The following TSPAN11 variants were observed in gnomAD, a reference collection of about 807,000 sequenced individuals.
TSPAN11 encodes tetraspanin-11.
In TSPAN11, 29 loss-of-function variants were observed where a neutral mutation model predicts 32.9. That is an observed-to-expected ratio of 0.88 (90% confidence interval 0.66 to 1.20). The LOEUF (loss-of-function observed/expected upper bound fraction) is 1.20, where lower values mean the gene tolerates loss of function less well. Ranked by LOEUF, TSPAN11 falls within the 50% of genes most tolerant of loss-of-function variation. The pLI is 0.00. For missense variants in TSPAN11, 283 were observed against 329.1 expected (o/e 0.86, Z 1.08); for synonymous variants, 140 against 141.3 (o/e 0.99, Z 0.07).
intron 1 of TSPAN11, among the ~76,000 whole-genome samples, chr12:30,944,660 G>A (rs1474504384): frequency 6.6e-6 from 1 of 152,236 alleles, no homozygotes; most frequent in Admixed American, 6.5e-5. Context: ...TAAAGAGAAT[G>A]TGTATATATA....
At chr12:30,979,769 C>A in intron 5 of TSPAN11, 99 bp downstream of exon 5, 1 of 1,147,856 alleles carries the variant, frequency 8.7e-7, no homozygotes, top group South Asian at 1.4e-5. Flanking sequence ...GTTACTTACC[C>A]TCTCTGAGCT....
At chr12:30,959,974 A>ACAGGAGC (rs1938579016) in intron 2 of TSPAN11, among the ~76,000 whole-genome samples, 1 of 149,910 alleles carries the variant, frequency 6.7e-6, no homozygotes, top group Admixed American at 6.6e-5. Flanking sequence ...TGTGGGCGGA[A>ACAGGAGC]CAGGAGCCAG....
chr12:30,987,018 A>G (rs1337330319), intron 7 of TSPAN11, among the ~76,000 whole-genome samples: 1 of 152,242 alleles, frequency 6.6e-6, no homozygotes, highest in Non-Finnish European at 1.5e-5. Flanking sequence ...GCCAGCATTG[A>G]AAAAAGAGCT....
At chr12:30,959,728 C>T (rs1009060012) in intron 2 of TSPAN11, among the ~76,000 whole-genome samples, 5 of 146,886 alleles carry the variant, frequency 3.4e-5, no homozygotes, top group African/African-American at 1.3e-4. Flanking sequence ...TGCAGTGAGC[C>T]GAGATCACGC....
chr12:31,002,911 C>T, the TSPAN11 span, among the ~76,000 whole-genome samples: 1 of 152,254 alleles, frequency 6.6e-6, no homozygotes, highest in East Asian at 1.9e-4. The surrounding 1 kb of genome is among the most constrained non-coding windows in gnomAD (Gnocchi z 4.8). Context: ...GAGGGTGACA[C>T]CGCTCCAGCT....
chr12:30,977,969 G>C (rs73091933), intron 3 of TSPAN11, among the ~76,000 whole-genome samples: 1 of 152,104 alleles, frequency 6.6e-6, no homozygotes, highest in Non-Finnish European at 1.5e-5. Context: ...CACAGTCCAC[G>C]CTGGTCCCTG....
At chr12:30,983,194 AC>A (rs1939132066) in intron 7 of TSPAN11, 44 bp downstream of exon 7, 7 of 1,564,522 alleles carry the variant, frequency 4.5e-6, no homozygotes, top group Non-Finnish European at 5.2e-6. Context: ...AGGGCTCTGA[AC>A]CCCTCTCCCA....
At position 30,975,101 on chromosome 12, in the gene TSPAN11, C is replaced by T. The variant is rs1938938718; in HGVS notation, c.277-3460C>T. ...GTGAAGAGAACTGTGTGCAGCAACACCAGGAACACTTTTCAGCTTTGCACA... is the reference window on the plus strand; with the variant it reads ...GTGAAGAGAACTGTGTGCAGCAACATCAGGAACACTTTTCAGCTTTGCACA... On this transcript the variant is annotated intron_variant, in intron 3 of 7. Transcript: ENST00000546076. The surrounding 1 kb of genome is among the most constrained non-coding windows in gnomAD (Gnocchi z 4.5). Among the ~76,000 whole-genome samples, 1 of 152,204 alleles carries T rather than the reference C, an allele frequency of 6.6e-6. No homozygotes were observed. The highest frequency in any genetic ancestry group is 2.4e-5 in the African/African-American group (1 of 41,458).
intron 1 of TSPAN11, among the ~76,000 whole-genome samples, chr12:30,953,601 A>T (rs1857693130): frequency 6.6e-6 from 1 of 152,212 alleles, no homozygotes; most frequent in Non-Finnish European, 1.5e-5. Context: ...CAAGTTTCCT[A>T]TGCAAAGTAG....
intron 1 of TSPAN11, among the ~76,000 whole-genome samples, chr12:30,942,123 A>G (rs1383872756): frequency 1.3e-5 from 2 of 152,182 alleles, no homozygotes; most frequent in Non-Finnish European, 2.9e-5. Context: ...GCTCTGGATG[A>G]TGTATTTTTA....
chr12:30,942,703 C>A (rs1382813336), intron 1 of TSPAN11, among the ~76,000 whole-genome samples: 1 of 144,336 alleles, frequency 6.9e-6, no homozygotes, highest in Non-Finnish European at 1.5e-5. Context: ...ACATGGAATG[C>A]AATTTGTTAC....
rs148719778 is a variant in TSPAN11, at chr12:30,982,553, A to G, written c.478A>G (p.Ser160Gly). The G allele has an allele frequency of 6.9e-4, 1,115 of 1,610,998 alleles. 12 individuals are homozygous for G. The South Asian group carries it at 7.9e-3, about 11-fold the overall frequency. Residue 160 changes from serine to glycine, a missense_variant, in exon 6 of 8, where the codon AGC becomes GGC. Transcript: ENST00000546076. Reference protein sequence around the residue: ...QQDFKCCGSNSSADWQHSTYI... With the variant: ...QQDFKCCGSNGSADWQHSTYI... Reference sequence around the variant, plus strand: ...CCAGTTCAAGTGCTGTGGAAGCAACAGCTCAGCCGACTGGCAGCACAGCAC... The same window carrying G: ...CCAGTTCAAGTGCTGTGGAAGCAACGGCTCAGCCGACTGGCAGCACAGCAC...
intron 7 of TSPAN11, among the ~76,000 whole-genome samples, chr12:30,984,952 T>A (rs979152802): frequency 3.9e-5 from 6 of 152,304 alleles, no homozygotes; most frequent in Admixed American, 3.9e-4. Flanking sequence ...CTCCTGGCTT[T>A]GGTTCTTTGC....
intron 1 of TSPAN11, among the ~76,000 whole-genome samples, chr12:30,945,595 T>C (rs1310352150): frequency 6.6e-6 from 1 of 151,950 alleles, no homozygotes; most frequent in African/African-American, 2.4e-5. Flanking sequence ...CCCTGTTCAC[T>C]AGGACTCCCA....
intron 6 of TSPAN11, 37 bp downstream of exon 6, chr12:30,982,727 G>A: frequency 3.3e-6 from 5 of 1,522,860 alleles, no homozygotes; most frequent in Non-Finnish European, 3.5e-6. Context: ...TGAGGAGAGG[G>A]CCCTGGCCTG....
At chr12:30,931,872 G>A (rs1037849316) in intron 1 of TSPAN11, among the ~76,000 whole-genome samples, 2 of 28,254 alleles carry the variant, frequency 7.1e-5, no homozygotes, top group African/African-American at 1.3e-4. Flanking sequence ...AGAGTGAGAC[G>A]CTGTATCAAA....
chr12:30,998,244 G>C (rs960839169), downstream of TSPAN11, among the ~76,000 whole-genome samples: 5 of 152,242 alleles, frequency 3.3e-5, no homozygotes, highest in African/African-American at 1.2e-4. Context: ...CAAGAGCCTT[G>C]TCAGCCAGGC....
chr12:30,932,453 C>T (rs1465605338), intron 1 of TSPAN11, among the ~76,000 whole-genome samples: 1 of 152,208 alleles, frequency 6.6e-6, no homozygotes, highest in Non-Finnish European at 1.5e-5. Flanking sequence ...CTCTCAACTA[C>T]TCATCAATGC....
intron 1 of TSPAN11, 28 bp from the exon 2 acceptor site, chr12:30,953,953 C>T (rs752291979): frequency 6.4e-6 from 10 of 1,558,896 alleles, no homozygotes; most frequent in Non-Finnish European, 8.8e-6. Flanking sequence ...GGTGATTCCC[C>T]GGCCCAGCAT....
Sources: gnomAD v4.1 joint callset for allele counts (sites outside exome capture counted in the v4.1 genomes callset) on GRCh38, gnomAD v4.1.1 for gene constraint, Gnocchi (gnomAD v3.1) non-coding constraint, MANE v1.5 for transcripts, NCBI Gene and HGNC (gene_info 2026-07-23, HGNC 2026-07-21) for gene names.